Variants in SFMBT2 observed in about 807,000 individuals in gnomAD.
SFMBT2 encodes Scm like with four mbt domains 2.
Under a neutral mutation model 110.1 loss-of-function variants are expected in SFMBT2, and 38 were observed. The observed-to-expected ratio is 0.35, with a 90% CI of 0.27 to 0.45. SFMBT2 has a LOEUF of 0.45. Ranked by LOEUF, SFMBT2 falls within the 20% of genes least tolerant of loss-of-function variation. The pLI is 1.00. For synonymous variants in SFMBT2, 425 were observed against 425.4 expected (o/e 1.00, Z 0.01); for missense variants, 1,011 against 1,094.9 (o/e 0.92, Z 1.08).
At chr10:7,198,006 C>A in intron 14 of SFMBT2, 1 of 985,418 alleles carries the variant, frequency 1.0e-6, no homozygotes, top group Non-Finnish European at 1.2e-6. Context: ...CATTTTATAT[C>A]CTTAATGATA....
intron 3 of SFMBT2, among the ~76,000 whole-genome samples, chr10:7,368,826 A>C (rs1844985678): frequency 6.6e-6 from 1 of 152,254 alleles, no homozygotes; most frequent in Admixed American, 6.5e-5. Flanking sequence ...CATATGCTTG[A>C]AAGCTTTGCT....
chr10:7,370,364 T>C lies in SFMBT2; in HGVS notation c.112A>G (p.Ser38Gly). 1 of 1,614,100 alleles carries C rather than the reference T, an allele frequency of 6.2e-7. No homozygotes were observed. Among genetic ancestry groups the C allele is most frequent in the Non-Finnish European group, 8.5e-7 (1 of 1,179,966 alleles). ...CAGTTAAAGCCAGTTTCCTCCAAGC[T>C]TGAGCCTTCTTCTGTTGAAAAACAA... ...NGDLDSEEGS[S>G]LEETGFNWGE... Residue 38 changes from serine (S) to glycine (G), a missense_variant, in exon 3 of 21, where the codon AGC (serine) becomes GGC (glycine). Ser to Gly is a moderately conservative substitution (Grantham distance 56). This residue lies in a region of SFMBT2 where 979 missense variants were observed against 1,016.1 expected (regional missense o/e 0.96). Coordinates refer to ENST00000397167, the MANE Select transcript of SFMBT2 (RefSeq NM_001387889.1).
chr10:7,206,776 G>T, intron 11 of SFMBT2: 1 of 836,500 alleles, frequency 1.2e-6, no homozygotes, highest in Non-Finnish European at 1.4e-6. Context: ...TTTGGAACTA[G>T]TTAAAAGAAG....
At chr10:7,239,027 G>A (rs866216544) in intron 9 of SFMBT2, among the ~76,000 whole-genome samples, 6 of 152,102 alleles carry the variant, frequency 3.9e-5, no homozygotes, top group Non-Finnish European at 8.8e-5. Flanking sequence ...TGAAAAACTC[G>A]TATCCACTCT....
chr10:7,378,026 AGT>A (rs1364291805), intron 2 of SFMBT2, among the ~76,000 whole-genome samples: 3 of 135,076 alleles, frequency 2.2e-5, no homozygotes, highest in Non-Finnish European at 3.2e-5. Context: ...AATGGGTGGG[AGT>A]GTGTGTGTGG....
chr10:7,226,222 A>G (rs979085302), intron 10 of SFMBT2, among the ~76,000 whole-genome samples: 1 of 152,218 alleles, frequency 6.6e-6, no homozygotes, highest in Non-Finnish European at 1.5e-5. Flanking sequence ...CTAGATAAGG[A>G]GAGAACTCGA....
Position 7,171,666 on chromosome 10 carries a change from C to T in SFMBT2, c.2415+229G>A. 2 of 815,388 alleles carry T rather than the reference C, an allele frequency of 2.5e-6. No individual in the cohort carries two copies. Among genetic ancestry groups the T allele is most frequent in the Non-Finnish European group, 1.5e-6 (1 of 675,040 alleles). 50.5% of individuals were successfully genotyped at this position (815,388 alleles called of 1,614,324 possible). A position where few individuals can be genotyped will look rare whatever the true frequency, so the allele number is the denominator to read the frequency against. On this transcript the variant is annotated intron_variant, in intron 19 of 20. Transcript: ENST00000397167. This position sits in a 1 kb window ranked among gnomAD's most constrained non-coding sequence, Gnocchi z 4.9. ...AGAACCCAGGTGGCACTAAAGCCGT[C>T]CAGGAAAGAGGCGCTGTCTCCACCC...
intron 9 of SFMBT2, among the ~76,000 whole-genome samples, chr10:7,236,089 G>A (rs76733786): frequency 0.02 from 3,018 of 151,688 alleles, 71 homozygotes; most frequent in African/African-American, 0.052. Flanking sequence ...CAAAATTAGT[G>A]GTACTCTCTT....
In SFMBT2 at chr10:7,381,945, A is replaced by G; in HGVS notation, c.-47T>C. On this transcript the variant is annotated 5_prime_UTR_variant, in exon 2 of 21. Transcript: ENST00000397167. ...TCTCTTAATTCATCCTGCAGAAAAA[A>G]TTACCTAAGAGCAATCAAAAAAAAA... 1 of 1,518,724 alleles carries G rather than the reference A, an allele frequency of 6.6e-7. No individual in the cohort carries two copies. Among genetic ancestry groups the G allele is most frequent in the Non-Finnish European group, 8.9e-7 (1 of 1,124,794 alleles). The allele number at this position is 1,518,724 out of a possible 1,614,324, so 94.1% of individuals were successfully genotyped here.
chr10:7,402,741 G>A (rs1287567803), intron 1 of SFMBT2, among the ~76,000 whole-genome samples: 1 of 152,164 alleles, frequency 6.6e-6, no homozygotes, highest in Admixed American at 6.5e-5. Flanking sequence ...ACAAAACTGT[G>A]TGTACCTGGG....
intron 7 of SFMBT2, among the ~76,000 whole-genome samples, chr10:7,261,111 A>G (rs564691934): frequency 6.6e-6 from 1 of 152,280 alleles, no homozygotes; most frequent in East Asian, 1.9e-4. Flanking sequence ...CTCTCGAGTC[A>G]GGTTACTGTG....
Position 7,398,395 on chromosome 10 carries a change from C to T in SFMBT2, c.-52+12466G>A, listed in dbSNP as rs116886344. On this transcript the variant is annotated intron_variant, in intron 1 of 20. Coordinates refer to ENST00000397167, the MANE Select transcript of SFMBT2 (RefSeq NM_001387889.1). Reference sequence around the variant, plus strand: ...AAACAAAGTGCACCATCTTGAAAGTCGGTTTATTTACTCTTTGCCAACAAA... The same window carrying T: ...AAACAAAGTGCACCATCTTGAAAGTTGGTTTATTTACTCTTTGCCAACAAA... 7.2e-3 allele frequency among the ~76,000 whole-genome samples: 1,093 copies of T among 152,248 alleles called. 6 individuals carry two copies. Among genetic ancestry groups the T allele is most frequent in the Middle Eastern group, 0.017 (5 of 294 alleles).
In SFMBT2 at chr10:7,206,552, G is replaced by A. The variant is rs1311438533; in HGVS notation, c.1331-624C>T. 8 of 985,298 alleles carry A rather than the reference G, an allele frequency of 8.1e-6. No individual in the cohort carries two copies. The African/African-American group carries it at 1.0e-4, about 13-fold the overall frequency. 61.0% of individuals were successfully genotyped at this position (985,298 alleles called of 1,614,324 possible). On this transcript the variant is annotated intron_variant, in intron 11 of 20. Coordinates refer to ENST00000397167, the MANE Select transcript of SFMBT2 (RefSeq NM_001387889.1). ...TTTTGAACTCAGTTTGTGGCCTGTA[G>A]ACTTTGGCTATGTCATAGAAAAGTC...
chr10:7,266,660 T>C (rs573331712), intron 7 of SFMBT2, among the ~76,000 whole-genome samples: 2 of 152,154 alleles, frequency 1.3e-5, no homozygotes, highest in African/African-American at 2.4e-5. Flanking sequence ...TGACTTCAGT[T>C]TCAACAGAAG....
intron 1 of SFMBT2, among the ~76,000 whole-genome samples, chr10:7,401,928 T>G (rs11255114): frequency 6.6e-6 from 1 of 152,264 alleles, no homozygotes; most frequent in Admixed American, 6.5e-5. Context: ...GCAGGCTATT[T>G]AGAACGGTCT....
intron 7 of SFMBT2, among the ~76,000 whole-genome samples, chr10:7,256,818 A>T (rs1841022321): frequency 6.6e-6 from 1 of 152,194 alleles, no homozygotes; most frequent in Admixed American, 6.5e-5. Flanking sequence ...GACGCACAGG[A>T]AAGTAGTTGA....
At chr10:7,294,176 C>G (rs909191329) in intron 4 of SFMBT2, among the ~76,000 whole-genome samples, 2 of 152,136 alleles carry the variant, frequency 1.3e-5, no homozygotes, top group Non-Finnish European at 2.9e-5. Context: ...AATATCATGG[C>G]TGTTTTCTAT....
At chr10:7,342,303 T>C (rs1843933827) in intron 4 of SFMBT2, among the ~76,000 whole-genome samples, 1 of 151,588 alleles carries the variant, frequency 6.6e-6, no homozygotes, top group African/African-American at 2.4e-5. Context: ...CCTGTGCAAA[T>C]TTGACTCGTA....
chr10:7,228,038 A>C, intron 9 of SFMBT2, 101 bp from the exon 10 acceptor site: 1 of 734,382 alleles, frequency 1.4e-6, no homozygotes, highest in Non-Finnish European at 2.2e-6. Context: ...CCAAAAGATA[A>C]TGTCCTCTGA....
Sources: gnomAD v4.1 joint callset for allele counts (sites outside exome capture counted in the v4.1 genomes callset) on GRCh38, gnomAD v4.1.1 for gene constraint, gnomAD v4.1.1 regional missense constraint, Gnocchi (gnomAD v3.1) non-coding constraint, MANE v1.5 for transcripts, NCBI Gene and HGNC (gene_info 2026-07-23, HGNC 2026-07-21) for gene names.